Variants in SNTG1 observed in about 807,000 individuals in gnomAD.
SNTG1 encodes gamma-1-syntrophin.
SNTG1 carries 39 observed loss-of-function variants against 74.7 expected under a neutral mutation model. That is an observed-to-expected ratio of 0.52 (90% confidence interval 0.40 to 0.68). The LOEUF (loss-of-function observed/expected upper bound fraction) is 0.68. Among genes scored for constraint, SNTG1 ranks in the 30% least tolerant of loss-of-function variants. SNTG1 has a pLI of 0.00. For missense variants in SNTG1, 685 were observed against 609.5 expected, an observed-to-expected ratio of 1.12 and a Z score of -1.30; for synonymous variants, 254 against 217.1, an observed-to-expected ratio of 1.17 and a Z score of -1.49.
At chr8:50,544,486 T>C (rs2623210) in intron 11 of SNTG1, among the ~76,000 whole-genome samples, 33,433 of 151,950 alleles carry the variant, frequency 0.22, 4,837 homozygotes, top group African/African-American at 0.41. Flanking sequence ...ATTAAGAGAA[T>C]GTATATTTTT....
chr8:50,250,278 A>G (rs2086590408), intron 2 of SNTG1, among the ~76,000 whole-genome samples: 1 of 151,962 alleles, frequency 6.6e-6, no homozygotes, highest in Non-Finnish European at 1.5e-5. Flanking sequence ...AAAATTTAAA[A>G]AAAGGAAAGA....
intron 2 of SNTG1, among the ~76,000 whole-genome samples, chr8:50,181,154 C>A (rs1403427751): frequency 6.6e-6 from 1 of 152,130 alleles, no homozygotes; most frequent in Non-Finnish European, 1.5e-5. Context: ...CTGAACTGTG[C>A]TCTCCAGGCC....
intron 1 of SNTG1, among the ~76,000 whole-genome samples, chr8:50,061,413 T>C (rs1586100592): frequency 6.6e-6 from 1 of 152,216 alleles, no homozygotes; most frequent in African/African-American, 2.4e-5. Context: ...TTCTAATTTT[T>C]TTGTCATTTG....
At chr8:50,618,395 C>T (rs552417886) in intron 13 of SNTG1, among the ~76,000 whole-genome samples, 4 of 152,308 alleles carry the variant, frequency 2.6e-5, no homozygotes, top group African/African-American at 9.6e-5. Flanking sequence ...ATACTATTCA[C>T]ATTATAATTC....
chr8:50,252,165 T>C (rs541934612), intron 2 of SNTG1, among the ~76,000 whole-genome samples: 1 of 152,100 alleles, frequency 6.6e-6, no homozygotes, highest in South Asian at 2.1e-4. Flanking sequence ...AAACAAATGA[T>C]AATAAAAACA....
intron 1 of SNTG1, among the ~76,000 whole-genome samples, chr8:50,040,848 A>C (rs1818573490): frequency 6.6e-6 from 1 of 152,212 alleles, no homozygotes; most frequent in African/African-American, 2.4e-5. Context: ...GTTGTTTAAA[A>C]GTGCCCTTAT....
intron 1 of SNTG1, among the ~76,000 whole-genome samples, chr8:50,091,673 T>C (rs1248082639): frequency 6.6e-6 from 1 of 152,152 alleles, no homozygotes; most frequent in Non-Finnish European, 1.5e-5. Flanking sequence ...GTATCATGAT[T>C]CTATATTTCA....
At chr8:50,085,287 T>C (rs949568961) in intron 1 of SNTG1, among the ~76,000 whole-genome samples, 2 of 151,486 alleles carry the variant, frequency 1.3e-5, no homozygotes, top group African/African-American at 4.9e-5. Flanking sequence ...GACAACTCCA[T>C]AGCAGCATCT....
chr8:50,544,576 T>C (rs1435992964), intron 11 of SNTG1, among the ~76,000 whole-genome samples: 1 of 152,118 alleles, frequency 6.6e-6, no homozygotes, highest in Non-Finnish European at 1.5e-5. Context: ...GAGAAATTTC[T>C]GACAAGAAAG....
intron 2 of SNTG1, among the ~76,000 whole-genome samples, chr8:50,197,873 TC>T (rs1281714417): frequency 6.6e-6 from 1 of 152,290 alleles, no homozygotes; most frequent in Admixed American, 6.5e-5. Context: ...TATTATATTT[TC>T]TTTTTTTATT....
At chr8:50,791,770 G>A (rs899114098) in intron 18 of SNTG1, among the ~76,000 whole-genome samples, 3 of 151,606 alleles carry the variant, frequency 2.0e-5, no homozygotes, top group Non-Finnish European at 3.0e-5. Flanking sequence ...TAAGTTCATC[G>A]TATTGATTTC....
intron 15 of SNTG1, among the ~76,000 whole-genome samples, chr8:50,694,221 A>G (rs974430206): frequency 3.3e-5 from 5 of 151,920 alleles, no homozygotes; most frequent in Non-Finnish European, 5.9e-5. Flanking sequence ...AAGATAAGAG[A>G]CTCAAATAAA....
rs781059292 is a variant in SNTG1, at chr8:50,704,644, G to A, written c.1083G>A (p.Gln361=). ...LDRRKQCFTV[Q]SESGEDLYFS... ...GACGGAAACAGTGCTTCACCGTGCA[G>A]TCTGAGTCTGGGGAGGACCTGTACT... The change falls in exon 16 of 19, where the codon CAG becomes CAA. Residue 361 remains glutamine (Q), a synonymous_variant. Coordinates refer to ENST00000642720, the MANE Select transcript of SNTG1 (RefSeq NM_018967.5). 1.5e-5 allele frequency: 24 copies of A among 1,614,028 alleles called. No homozygotes were observed. The highest frequency in any genetic ancestry group is 1.9e-5 in the Non-Finnish European group (22 of 1,180,040).
intron 1 of SNTG1, among the ~76,000 whole-genome samples, chr8:49,979,087 C>T (rs551487888): frequency 2.0e-5 from 3 of 152,212 alleles, no homozygotes; most frequent in Admixed American, 2.0e-4. Flanking sequence ...AAAGCCTTCA[C>T]GCTGTTAAGA....
rs905126274 is a variant in SNTG1, at chr8:50,109,220, T to C, written c.-102-63341T>C. Among the ~76,000 whole-genome samples, 98 of 152,288 alleles carry C rather than the reference T, an allele frequency of 6.4e-4. 1 individual carries two copies. Among genetic ancestry groups the C allele is most frequent in the Non-Finnish European group, 1.6e-4 (11 of 68,012 alleles). On this transcript the variant is annotated intron_variant, in intron 1 of 18. Coordinates refer to ENST00000642720, the MANE Select transcript of SNTG1 (RefSeq NM_018967.5). The stretch of plus-strand genomic sequence containing the variant: ...TCCCTTGAACTTTGACTATCTTTCT[T>C]ACCAAAAGACAGGACAGCCTGACTC...
At chr8:50,266,168 AT>A (rs1335905359) in intron 2 of SNTG1, among the ~76,000 whole-genome samples, 1 of 152,098 alleles carries the variant, frequency 6.6e-6, no homozygotes, top group Non-Finnish European at 1.5e-5. Flanking sequence ...GAGGACTCAC[AT>A]TTCTAGATTT....
At chr8:50,323,365 G>C in intron 2 of SNTG1, among the ~76,000 whole-genome samples, 1 of 152,052 alleles carries the variant, frequency 6.6e-6, no homozygotes, top group East Asian at 1.9e-4. Flanking sequence ...TACTTCATTT[G>C]GTGAAGTCTT....
intron 2 of SNTG1, among the ~76,000 whole-genome samples, chr8:50,376,756 T>TAGAG (rs58103614): frequency 6.4e-4 from 58 of 89,938 alleles, no homozygotes; most frequent in African/African-American, 1.6e-3. Flanking sequence ...TATATATATA[T>TAGAG]AGAGAGAGAG....
chr8:50,076,608 T>C (rs527817855), intron 1 of SNTG1, among the ~76,000 whole-genome samples: 30 of 104,682 alleles, frequency 2.9e-4, no homozygotes, highest in South Asian at 1.8e-3. Context: ...AATATGAAAA[T>C]TCTCAGGTGT....
Sources: gnomAD v4.1 joint callset for allele counts (sites outside exome capture counted in the v4.1 genomes callset) on GRCh38, gnomAD v4.1.1 for gene constraint, MANE v1.5 for transcripts, NCBI Gene and HGNC (gene_info 2026-07-23, HGNC 2026-07-21) for gene names.